OXR1: variants seen among roughly 807,000 people sequenced by gnomAD.
OXR1 encodes the protein oxidation resistance protein 1.
In OXR1, 41 loss-of-function variants were observed where a neutral mutation model predicts 104.6. That is an observed-to-expected ratio of 0.39 (90% CI 0.31 to 0.51). OXR1 has a LOEUF of 0.51. Ranked by LOEUF, OXR1 falls within the 20% of genes least tolerant of loss-of-function variation. The pLI, the probability that OXR1 is intolerant of heterozygous loss-of-function variation, is 0.77. For missense variants in OXR1, 955 were observed against 1,031.9 expected (o/e 0.93, Z 1.02); for synonymous variants, 348 against 348.4 (o/e 1.00, Z 0.01).
At chr8:106,332,901 G>A (rs1031578778) in intron 1 of OXR1, among the ~76,000 whole-genome samples, 1 of 152,006 alleles carries the variant, frequency 6.6e-6, no homozygotes, top group Non-Finnish European at 1.5e-5. Flanking sequence ...TACAATCTGT[G>A]CCCTTTTTTG....
chr8:106,342,617 C>T (rs1442586159), intron 1 of OXR1, among the ~76,000 whole-genome samples: 1 of 152,036 alleles, frequency 6.6e-6, no homozygotes, highest in Non-Finnish European at 1.5e-5. Flanking sequence ...TTCCCATACC[C>T]TGTATTTCAC....
chr8:106,494,947 C>T (rs1257052035), intron 2 of OXR1, among the ~76,000 whole-genome samples: 4 of 152,226 alleles, frequency 2.6e-5, no homozygotes, highest in East Asian at 3.9e-4. Context: ...AGAGCACAGA[C>T]GTTTCTACCT....
intron 1 of OXR1, among the ~76,000 whole-genome samples, chr8:106,351,858 A>G (rs558862710): frequency 2.0e-5 from 3 of 152,338 alleles, no homozygotes; most frequent in Admixed American, 2.0e-4. Context: ...TAAAATTTTT[A>G]TCATGAGCTT....
At chr8:106,578,819 C>T (rs975551959) in intron 3 of OXR1, among the ~76,000 whole-genome samples, 1 of 152,136 alleles carries the variant, frequency 6.6e-6, no homozygotes, top group South Asian at 2.1e-4. Flanking sequence ...GTTATATATT[C>T]ATCAGCTCAG....
chr8:106,376,608 T>A (rs1816916185), intron 2 of OXR1, among the ~76,000 whole-genome samples: 1 of 152,236 alleles, frequency 6.6e-6, no homozygotes. Context: ...CCTTCCTGAC[T>A]TTTTGTTATT....
chr8:106,597,065 C>T (rs1819588128), intron 3 of OXR1, among the ~76,000 whole-genome samples: 1 of 151,098 alleles, frequency 6.6e-6, no homozygotes, highest in Admixed American at 6.6e-5. Flanking sequence ...AACAAACAAA[C>T]AAAAAAAAGA....
chr8:106,329,384 G>A (rs1175053476), intron 1 of OXR1, among the ~76,000 whole-genome samples: 1 of 145,952 alleles, frequency 6.9e-6, no homozygotes, highest in Non-Finnish European at 1.5e-5. Flanking sequence ...GTCTGTCTCT[G>A]TCGCCCGGGC....
chr8:106,346,967 C>A (rs1427033457), intron 1 of OXR1, among the ~76,000 whole-genome samples: 1 of 152,172 alleles, frequency 6.6e-6, no homozygotes. Context: ...GGCGTGAACC[C>A]AGGAGGTGGA....
At chr8:106,355,101 A>G (rs1339594710) in intron 1 of OXR1, among the ~76,000 whole-genome samples, 2 of 152,156 alleles carry the variant, frequency 1.3e-5, no homozygotes, top group African/African-American at 4.8e-5. Flanking sequence ...AATTGTGTCT[A>G]TGCTTATAGC....
intron 11 of OXR1, among the ~76,000 whole-genome samples, chr8:106,715,226 A>G: frequency 6.6e-6 from 1 of 151,842 alleles, no homozygotes; most frequent in Non-Finnish European, 1.5e-5. Context: ...ATACTATGTA[A>G]TTTCATTTAC....
chr8:106,727,114 G>A (rs1337319262), intron 11 of OXR1, among the ~76,000 whole-genome samples: 3 of 151,954 alleles, frequency 2.0e-5, no homozygotes, highest in African/African-American at 7.2e-5. Flanking sequence ...TGTTACATCA[G>A]CACAGAGGGA....
chr8:106,579,290 A>G (rs2130616624), intron 3 of OXR1, among the ~76,000 whole-genome samples: 1 of 152,160 alleles, frequency 6.6e-6, no homozygotes, highest in South Asian at 2.1e-4. Flanking sequence ...CTAGTGTTTG[A>G]CATTCGAAAC....
At chr8:106,701,442 C>T (rs998305244) in intron 7 of OXR1, among the ~76,000 whole-genome samples, 3 of 152,062 alleles carry the variant, frequency 2.0e-5, no homozygotes, top group Admixed American at 2.0e-4. Context: ...AAAGTTGAAC[C>T]AGGTGAATTC....
chr8:106,318,769 T>C (rs1270817925), intron 1 of OXR1, among the ~76,000 whole-genome samples: 1 of 152,198 alleles, frequency 6.6e-6, no homozygotes, highest in African/African-American at 2.4e-5. Flanking sequence ...ATACTTGCTT[T>C]TCTGCTAGTT....
chr8:106,605,988 T>C (rs548647260), intron 3 of OXR1, among the ~76,000 whole-genome samples: 8 of 152,256 alleles, frequency 5.3e-5, no homozygotes, highest in African/African-American at 1.7e-4. Flanking sequence ...ATGCAAAGTG[T>C]TTACCAGATG....
intron 2 of OXR1, among the ~76,000 whole-genome samples, chr8:106,508,012 G>A (rs547755203): frequency 9.8e-5 from 15 of 152,310 alleles, no homozygotes; most frequent in African/African-American, 3.6e-4. Context: ...CCCTCAGCAT[G>A]TCCATCTTAA....
chr8:106,284,296 G>A (rs1047628193), intron 1 of OXR1, among the ~76,000 whole-genome samples: 3 of 152,036 alleles, frequency 2.0e-5, no homozygotes, highest in Admixed American at 2.0e-4. Flanking sequence ...GAGTAGAGAG[G>A]TGTTCCAGGC....
intron 1 of OXR1, among the ~76,000 whole-genome samples, chr8:106,292,769 A>G (rs1255715928): frequency 6.6e-6 from 1 of 152,232 alleles, no homozygotes; most frequent in East Asian, 1.9e-4. Context: ...GGGAGGCACC[A>G]GGAAAGGGAA....
At chr8:106,654,501 A>G (rs372059937) in intron 3 of OXR1, among the ~76,000 whole-genome samples, 2 of 152,260 alleles carry the variant, frequency 1.3e-5, no homozygotes, top group African/African-American at 4.8e-5. Context: ...AATTTGGACC[A>G]CTTCCTCACA....
Sources: gnomAD v4.1 joint callset for allele counts (sites outside exome capture counted in the v4.1 genomes callset) on GRCh38, gnomAD v4.1.1 for gene constraint, MANE v1.5 for transcripts, NCBI Gene and HGNC (gene_info 2026-07-23, HGNC 2026-07-21) for gene names.